The following ZPBP variants were observed in gnomAD, a reference collection of about 807,000 sequenced individuals.
ZPBP encodes zona pellucida binding protein, also known as zona pellucida-binding protein 1.
ZPBP carries 26 observed loss-of-function variants against 44.8 expected under a neutral mutation model. That is an observed-to-expected ratio of 0.58 (90% confidence interval 0.43 to 0.81). The LOEUF is 0.81. Among genes scored for constraint, ZPBP ranks in the 30% least tolerant of loss-of-function variants. ZPBP has a pLI of 0.00. For missense variants in ZPBP, 409 were observed against 434.0 expected (o/e 0.94, Z 0.51); for synonymous variants, 174 against 153.2 (o/e 1.14, Z -1.00).
Position 49,941,368 on chromosome 7 carries a change from T to C in ZPBP, c.962-3746A>G, listed in dbSNP as rs555224016. Reference sequence around the variant, plus strand: ...GCACCCATGTCCATTGTCACATTATTCACAATGGCCAAAAGGTGGAAACAA... The same window carrying C: ...GCACCCATGTCCATTGTCACATTATCCACAATGGCCAAAAGGTGGAAACAA... On this transcript the variant is annotated intron_variant, in intron 7 of 7. Transcript: ENST00000046087. Among the ~76,000 whole-genome samples the C allele has an allele frequency of 2.4e-4, 36 of 152,284 alleles. No homozygotes were observed. In the South Asian group the frequency reaches 7.5e-3, roughly 32 times the overall value.
chr7:49,916,642 A>G (rs1026720075), intron 1 of ZPBP: 6 of 152,188 alleles, frequency 3.9e-5, no homozygotes, highest in Non-Finnish European at 4.4e-5. Context: ...ACATCACCCA[A>G]TATCTATATG....
chr7:49,960,418 AAAAC>A (rs771098768), intron 7 of ZPBP, among the ~76,000 whole-genome samples: 32 of 152,278 alleles, frequency 2.1e-4, no homozygotes, highest in Middle Eastern at 3.4e-3. Context: ...TCTGTCTCAA[AAAAC>A]AAACAAACAA....
At chr7:50,043,693 T>C (rs1310074015) in intron 4 of ZPBP, among the ~76,000 whole-genome samples, 1 of 151,520 alleles carries the variant, frequency 6.6e-6, no homozygotes, top group African/African-American at 2.4e-5. Context: ...CTTAGAGACC[T>C]AGAGACTCCC....
At chr7:49,997,483 C>A (rs1797899308) in intron 6 of ZPBP, among the ~76,000 whole-genome samples, 1 of 152,230 alleles carries the variant, frequency 6.6e-6, no homozygotes, top group Admixed American at 6.5e-5. Flanking sequence ...AGTATGGCCA[C>A]CTCCCTCATT....
intron 5 of ZPBP, 68 bp downstream of exon 5, chr7:50,031,024 T>C: frequency 7.3e-7 from 1 of 1,362,390 alleles, no homozygotes; most frequent in Non-Finnish European, 1.0e-6. Context: ...CTGTGAGTAA[T>C]TAACAACTTT....
At chr7:49,860,335 G>A (rs890806680) in intron 2 of ZPBP, among the ~76,000 whole-genome samples, 1 of 152,176 alleles carries the variant, frequency 6.6e-6, no homozygotes, top group African/African-American at 2.4e-5. Context: ...TATTTCACAT[G>A]AGTAGACTCA....
chr7:49,888,127 A>G (rs550991218), intron 2 of ZPBP, among the ~76,000 whole-genome samples: 1 of 152,350 alleles, frequency 6.6e-6, no homozygotes, highest in South Asian at 2.1e-4. Context: ...TAGTAGCTCA[A>G]AATTGGCCTT....
At chr7:49,940,993 T>C (rs1275927706) in intron 7 of ZPBP, among the ~76,000 whole-genome samples, 1 of 151,978 alleles carries the variant, frequency 6.6e-6, no homozygotes, top group Non-Finnish European at 1.5e-5. Context: ...AAAGCAGCCA[T>C]GTATACAGAG....
At chr7:50,047,662 CA>C (rs60779181) in intron 4 of ZPBP, among the ~76,000 whole-genome samples, 90,268 of 129,760 alleles carry the variant, frequency 0.7, 30,189 homozygotes, top group East Asian at 0.83. Flanking sequence ...ACCCAAATGG[CA>C]AAAAAAAAAA....
intron 1 of ZPBP, among the ~76,000 whole-genome samples, chr7:49,926,414 C>G (rs149930610): frequency 1.3e-5 from 2 of 152,194 alleles, no homozygotes; most frequent in African/African-American, 4.8e-5. Context: ...TAAGTTTGCC[C>G]AAAGTCTTCA....
chr7:50,090,475 TTGTGTG>T (rs61591297), intron 1 of ZPBP, among the ~76,000 whole-genome samples: 4 of 150,230 alleles, frequency 2.7e-5, no homozygotes, highest in Non-Finnish European at 4.4e-5. Flanking sequence ...ATATTTATGT[TTGTGTG>T]TGTGTGTGTG....
chr7:49,987,728 T>TTG (rs55971066), intron 6 of ZPBP, among the ~76,000 whole-genome samples: 2,919 of 145,574 alleles, frequency 0.02, 27 homozygotes, highest in African/African-American at 0.023. Context: ...TATATATGTG[T>TTG]TGTGTGTGTG....
At chr7:49,851,814 C>G (rs1019717699) in intron 2 of ZPBP, among the ~76,000 whole-genome samples, 1 of 151,972 alleles carries the variant, frequency 6.6e-6, no homozygotes, top group Non-Finnish European at 1.5e-5. Flanking sequence ...CGAGCTTGCG[C>G]CATTGCACTC....
intron 6 of ZPBP, among the ~76,000 whole-genome samples, chr7:49,985,170 T>C (rs952041908): frequency 1.3e-5 from 2 of 152,236 alleles, no homozygotes; most frequent in Non-Finnish European, 2.9e-5. Flanking sequence ...CCTGTGACAC[T>C]GAACTGGAAC....
At chr7:50,063,604 T>C (rs1458353205) in intron 3 of ZPBP, among the ~76,000 whole-genome samples, 2 of 152,162 alleles carry the variant, frequency 1.3e-5, no homozygotes, top group Non-Finnish European at 2.9e-5. Context: ...GAACCATTTT[T>C]TTTTTTAAAC....
At chr7:49,949,423 A>G (rs1795236148) in intron 7 of ZPBP, among the ~76,000 whole-genome samples, 1 of 152,182 alleles carries the variant, frequency 6.6e-6, no homozygotes, top group African/African-American at 2.4e-5. Flanking sequence ...AAATGTGTGT[A>G]TAGGTACAAT....
chr7:49,957,629 G>A (rs762593817), intron 7 of ZPBP, among the ~76,000 whole-genome samples: 7 of 152,178 alleles, frequency 4.6e-5, no homozygotes, highest in Non-Finnish European at 7.3e-5. Context: ...GGGCTGTGGA[G>A]GCATGGCTTC....
intron 7 of ZPBP, among the ~76,000 whole-genome samples, chr7:49,980,784 C>A (rs547784301): frequency 4.2e-4 from 64 of 152,208 alleles, no homozygotes; most frequent in Non-Finnish European, 6.5e-4. Flanking sequence ...CATTGCCACA[C>A]TTGGAACTAA....
chr7:50,066,508 CT>C (rs1428075627), intron 3 of ZPBP, among the ~76,000 whole-genome samples: 6 of 152,076 alleles, frequency 3.9e-5, no homozygotes, highest in African/African-American at 1.4e-4. Context: ...GATTTCTTCC[CT>C]TTTAGTATAG....
Sources: allele counts gnomAD v4.1 joint callset (sites outside exome capture counted in the v4.1 genomes callset), GRCh38; gene constraint gnomAD v4.1.1; transcripts MANE v1.5; gene names NCBI Gene and HGNC (gene_info 2026-07-23, HGNC 2026-07-21).